The following CSMD1 variants were observed in gnomAD, a reference collection of about 807,000 sequenced individuals.
The protein encoded by CSMD1 is CUB and sushi domain-containing protein 1.
A neutral mutation model predicts 417.5 loss-of-function variants in CSMD1; 213 were observed. The observed-to-expected ratio is 0.51, with a 90% confidence interval of 0.46 to 0.57. The LOEUF is 0.57. Among genes scored for constraint, CSMD1 ranks in the 20% least tolerant of loss-of-function variants. CSMD1 has a pLI of 0.00. For synonymous variants in CSMD1, 2,862 were observed against 1,736.8 expected (o/e 1.65, Z -16.11); for missense variants, 6,923 against 4,529.7 (o/e 1.53, Z -15.17).
At chr8:4,889,299 T>G (rs974067813) in intron 1 of CSMD1, among the ~76,000 whole-genome samples, 1 of 152,084 alleles carries the variant, frequency 6.6e-6, no homozygotes, top group African/African-American at 2.4e-5. Flanking sequence ...TGAGGAAACA[T>G]TAGAGAAACT....
At chr8:3,732,903 TATCTATC>T in intron 6 of CSMD1, among the ~76,000 whole-genome samples, 1 of 152,294 alleles carries the variant, frequency 6.6e-6, no homozygotes, top group African/African-American at 2.4e-5. Context: ...ATCATCTATC[TATCTATC>T]ATCTATCATA....
At chr8:4,874,397 T>TTC (rs1490965556) in intron 1 of CSMD1, among the ~76,000 whole-genome samples, 3 of 149,882 alleles carry the variant, frequency 2.0e-5, no homozygotes, top group Non-Finnish European at 4.4e-5. Flanking sequence ...TATTTTTTTT[T>TTC]TTTTTTTTCT....
chr8:3,221,561 C>CAAACAAAT (rs796210113), intron 28 of CSMD1, among the ~76,000 whole-genome samples: 1 of 149,304 alleles, frequency 6.7e-6, no homozygotes, highest in Non-Finnish European at 1.5e-5. Context: ...AACAAACAAA[C>CAAACAAAT]ACTATATATC....
At chr8:3,046,496 C>A (rs1396674490) in intron 50 of CSMD1, among the ~76,000 whole-genome samples, 1 of 152,134 alleles carries the variant, frequency 6.6e-6, no homozygotes, top group Non-Finnish European at 1.5e-5. Flanking sequence ...ACAGTGCGCT[C>A]AAATCATGTC....
intron 15 of CSMD1, among the ~76,000 whole-genome samples, chr8:3,404,816 C>G (rs531112109): frequency 1.3e-5 from 2 of 151,982 alleles, no homozygotes; most frequent in Non-Finnish European, 2.9e-5. Flanking sequence ...ACACCTGAGA[C>G]GCTTTGAGCT....
chr8:3,134,003 C>T (rs747590170), intron 41 of CSMD1, among the ~76,000 whole-genome samples: 5 of 152,012 alleles, frequency 3.3e-5, no homozygotes, highest in Non-Finnish European at 7.4e-5. Flanking sequence ...TGTGGTGAAA[C>T]CCTGTCTCCA....
intron 1 of CSMD1, among the ~76,000 whole-genome samples, chr8:4,909,826 G>A (rs1406243598): frequency 2.6e-5 from 4 of 152,084 alleles, no homozygotes; most frequent in Admixed American, 2.0e-4. Context: ...ATTTCCAGGT[G>A]GCAATTTAAC....
chr8:3,160,655 G>T (rs145062693), intron 38 of CSMD1, among the ~76,000 whole-genome samples: 2 of 152,188 alleles, frequency 1.3e-5, no homozygotes, highest in Admixed American at 1.3e-4. Flanking sequence ...TGGTAGGTTT[G>T]TTCTTACGAA....
intron 3 of CSMD1, among the ~76,000 whole-genome samples, chr8:4,033,942 A>G (rs1483500639): frequency 6.6e-6 from 1 of 152,214 alleles, no homozygotes; most frequent in East Asian, 1.9e-4. Context: ...GTATGTCATC[A>G]GTAAATTAGC....
chr8:4,486,291 A>G (rs1367862761), intron 2 of CSMD1, among the ~76,000 whole-genome samples: 2 of 147,012 alleles, frequency 1.4e-5, no homozygotes, highest in African/African-American at 5.0e-5. Flanking sequence ...ACACGCAAAC[A>G]TAGGCACATA....
intron 49 of CSMD1, among the ~76,000 whole-genome samples, chr8:3,080,322 T>G (rs1330982009): frequency 6.6e-6 from 1 of 152,200 alleles, no homozygotes; most frequent in Admixed American, 6.5e-5. Flanking sequence ...AACAGCTGCT[T>G]GGCAGAGTTT....
intron 5 of CSMD1, among the ~76,000 whole-genome samples, chr8:3,924,239 G>A (rs1251349569): frequency 3.3e-5 from 5 of 152,166 alleles, no homozygotes; most frequent in African/African-American, 9.7e-5. Context: ...TCAGAAAGAT[G>A]CTGATGTTCT....
intron 7 of CSMD1, among the ~76,000 whole-genome samples, chr8:3,676,967 C>G (rs1427947964): frequency 6.6e-6 from 1 of 151,858 alleles, no homozygotes; most frequent in Admixed American, 6.6e-5. Context: ...AACACAAGGA[C>G]ACAGGGAGGG....
At chr8:3,001,685 T>C (rs925905751) in intron 52 of CSMD1, among the ~76,000 whole-genome samples, 3 of 152,208 alleles carry the variant, frequency 2.0e-5, no homozygotes, top group African/African-American at 4.8e-5. Flanking sequence ...TCAATATTTA[T>C]CTTTGAAGTT....
chr8:3,490,873 A>T lies in CSMD1; in HGVS notation c.1448+2750T>A, dbSNP rs201968683. ...TCTGTTTTTAAAAATAAAAAGAAAA[A>T]AATTTTTTTTTACCTAGTAATTTGT... On this transcript the variant is annotated intron_variant, in intron 11 of 69. Coordinates refer to ENST00000635120, the MANE Select transcript of CSMD1 (RefSeq NM_033225.6). 9.5e-5 allele frequency among the ~76,000 whole-genome samples: 14 copies of T among 146,682 alleles called. No homozygotes were observed. The East Asian group carries it at 1.1e-3, about 11-fold the overall frequency.
At chr8:3,612,049 A>T (rs1414198944) in intron 8 of CSMD1, among the ~76,000 whole-genome samples, 3 of 152,146 alleles carry the variant, frequency 2.0e-5, no homozygotes, top group African/African-American at 4.8e-5. Context: ...CTGGATTTTT[A>T]AAAATATTTA....
intron 3 of CSMD1, among the ~76,000 whole-genome samples, chr8:4,268,761 A>C (rs17069793): frequency 0.17 from 25,587 of 151,756 alleles, 2,254 homozygotes; most frequent in Middle Eastern, 0.2. Flanking sequence ...TAAAAAAAAA[A>C]CCCACAAATA....
chr8:4,177,208 A>T (rs1280512663), intron 3 of CSMD1, among the ~76,000 whole-genome samples: 3 of 152,194 alleles, frequency 2.0e-5, no homozygotes, highest in Non-Finnish European at 2.9e-5. Context: ...AATGTAAAAG[A>T]AGAGAAATTA....
intron 1 of CSMD1, among the ~76,000 whole-genome samples, chr8:4,929,137 GAGA>G (rs1020020969): frequency 2.6e-5 from 4 of 152,098 alleles, no homozygotes; most frequent in African/African-American, 9.7e-5. Flanking sequence ...TTTATAAAAG[GAGA>G]AGATGTGGAC....
Sources: gnomAD v4.1 joint callset for allele counts (sites outside exome capture counted in the v4.1 genomes callset) on GRCh38, gnomAD v4.1.1 for gene constraint, MANE v1.5 for transcripts, NCBI Gene and HGNC (gene_info 2026-07-23, HGNC 2026-07-21) for gene names.